CAMKMT: variants seen among roughly 807,000 people sequenced by gnomAD.
CAMKMT encodes the protein calmodulin-lysine N-methyltransferase.
Under a neutral mutation model 48.0 loss-of-function variants are expected in CAMKMT, and 53 were observed. The ratio of observed to expected loss-of-function variants is 1.10; its 90% CI spans 0.89 to 1.39. The LOEUF (loss-of-function observed/expected upper bound fraction) is 1.39. Ranked by LOEUF, CAMKMT falls within the 40% of genes most tolerant of loss-of-function variation. CAMKMT has a pLI of 0.00. For synonymous variants in CAMKMT, 165 were observed against 152.3 expected, an observed-to-expected ratio of 1.08 and a Z score of -0.61; for missense variants, 428 against 402.7, an observed-to-expected ratio of 1.06 and a Z score of -0.54.
At chr2:44,633,520 C>T (rs1386076311) in intron 3 of CAMKMT, among the ~76,000 whole-genome samples, 1 of 152,138 alleles carries the variant, frequency 6.6e-6, no homozygotes, top group African/African-American at 2.4e-5. Flanking sequence ...ATGTTTACAT[C>T]TGCACTGACT....
intron 3 of CAMKMT, among the ~76,000 whole-genome samples, chr2:44,410,737 G>A (rs1012783507): frequency 3.3e-5 from 5 of 152,140 alleles, no homozygotes; most frequent in African/African-American, 1.2e-4. Flanking sequence ...ACAAGTGAAG[G>A]ATTGCTGAAG....
intron 3 of CAMKMT, among the ~76,000 whole-genome samples, chr2:44,582,166 C>T (rs1041325054): frequency 1.3e-5 from 2 of 152,152 alleles, no homozygotes; most frequent in African/African-American, 4.8e-5. Context: ...CTAAACCGGG[C>T]CTTTCTGAAA....
intron 3 of CAMKMT, among the ~76,000 whole-genome samples, chr2:44,515,411 G>T (rs1053859351): frequency 6.6e-6 from 1 of 152,160 alleles, no homozygotes; most frequent in African/African-American, 2.4e-5. Context: ...GCTCTGGTAA[G>T]GGATATCTAT....
chr2:44,740,218 T>C (rs1679598540), intron 7 of CAMKMT, among the ~76,000 whole-genome samples: 1 of 151,452 alleles, frequency 6.6e-6, no homozygotes, highest in Non-Finnish European at 1.5e-5. Flanking sequence ...AGCCTTGACT[T>C]CCTGGGCTCA....
intron 3 of CAMKMT, among the ~76,000 whole-genome samples, chr2:44,404,247 C>A (rs113593228): frequency 4.6e-5 from 7 of 152,182 alleles, no homozygotes; most frequent in African/African-American, 1.7e-4. Flanking sequence ...AAAATATTCA[C>A]TATACAAAAT....
chr2:44,514,457 C>G (rs919729530), intron 3 of CAMKMT, among the ~76,000 whole-genome samples: 18 of 152,180 alleles, frequency 1.2e-4, no homozygotes, highest in Non-Finnish European at 2.4e-4. Flanking sequence ...CTAACCAAGC[C>G]TAGTGCTTCT....
chr2:44,502,162 G>C (rs1454550884), intron 3 of CAMKMT, among the ~76,000 whole-genome samples: 1 of 151,824 alleles, frequency 6.6e-6, no homozygotes, highest in Non-Finnish European at 1.5e-5. Context: ...CAGAGGTTGC[G>C]GTGAGCCAAG....
intron 1 of CAMKMT, among the ~76,000 whole-genome samples, chr2:44,370,955 C>G (rs1361279666): frequency 6.6e-6 from 1 of 152,160 alleles, no homozygotes; most frequent in Non-Finnish European, 1.5e-5. Flanking sequence ...GGACTACAGG[C>G]AGACACCACC....
Position 44,534,611 on chromosome 2 carries a change from AAAC to A in CAMKMT, c.376+144310_376+144312del, listed in dbSNP as rs573517243. Among the ~76,000 whole-genome samples the A allele has an allele frequency of 1.4e-3, 217 of 152,328 alleles. 2 individuals carry two copies. Among genetic ancestry groups the A allele is most frequent in the Non-Finnish European group, 2.6e-3 (179 of 68,010 alleles). ...AAAACTATACAAATATATGGAAATT[AAAC>A]AACGTGCTCCTGAATGACCATTGAC... On this transcript the variant is annotated intron_variant, in intron 3 of 10. Coordinates refer to ENST00000378494, the MANE Select transcript of CAMKMT (RefSeq NM_024766.5).
chr2:44,639,885 G>A (rs1673353697), intron 3 of CAMKMT, among the ~76,000 whole-genome samples: 1 of 152,152 alleles, frequency 6.6e-6, no homozygotes, highest in Non-Finnish European at 1.5e-5. Flanking sequence ...GTAAATATTT[G>A]GGATTGGTTT....
At chr2:44,734,694 G>C (rs1467898794) in intron 7 of CAMKMT, among the ~76,000 whole-genome samples, 1 of 152,180 alleles carries the variant, frequency 6.6e-6, no homozygotes, top group Non-Finnish European at 1.5e-5. Context: ...TTACAGGGAT[G>C]AGCCACCATG....
intron 3 of CAMKMT, among the ~76,000 whole-genome samples, chr2:44,632,557 CTA>C (rs1483014263): frequency 4.6e-5 from 7 of 152,036 alleles, no homozygotes; most frequent in Admixed American, 4.6e-4. Flanking sequence ...AACTAAAATC[CTA>C]CATATCTAAC....
At chr2:44,531,607 A>G (rs1004247397) in intron 3 of CAMKMT, among the ~76,000 whole-genome samples, 1 of 152,078 alleles carries the variant, frequency 6.6e-6, no homozygotes, top group East Asian at 1.9e-4. Flanking sequence ...CCCTTTTTTC[A>G]TAGGGCTTTC....
chr2:44,763,725 G>A (rs1680714613), intron 9 of CAMKMT, among the ~76,000 whole-genome samples: 1 of 152,168 alleles, frequency 6.6e-6, no homozygotes, highest in African/African-American at 2.4e-5. Context: ...AGGAGGAAAG[G>A]GATGTTTAGG....
At chr2:44,462,970 A>C (rs931137993) in intron 3 of CAMKMT, among the ~76,000 whole-genome samples, 3 of 152,166 alleles carry the variant, frequency 2.0e-5, no homozygotes, top group African/African-American at 7.2e-5. Flanking sequence ...TTGATCGTTA[A>C]ATCTAGAGGC....
At chr2:44,567,862 G>C (rs1328176805) in intron 3 of CAMKMT, among the ~76,000 whole-genome samples, 1 of 152,162 alleles carries the variant, frequency 6.6e-6, no homozygotes, top group African/African-American at 2.4e-5. Context: ...TCTTTGGATC[G>C]AGAGTCATTC....
intron 3 of CAMKMT, among the ~76,000 whole-genome samples, chr2:44,558,772 G>A (rs1254225651): frequency 6.6e-6 from 1 of 152,118 alleles, no homozygotes; most frequent in Admixed American, 6.5e-5. Flanking sequence ...TAGACACTTG[G>A]GACTCCTGGG....
intron 3 of CAMKMT, among the ~76,000 whole-genome samples, chr2:44,609,108 A>C (rs1395351121): frequency 6.6e-6 from 1 of 152,232 alleles, no homozygotes; most frequent in African/African-American, 2.4e-5. Flanking sequence ...AAGAGAGATT[A>C]ATTGAAAGAC....
At chr2:44,485,955 G>A (rs1558650593) in intron 3 of CAMKMT, among the ~76,000 whole-genome samples, 1 of 152,078 alleles carries the variant, frequency 6.6e-6, no homozygotes, top group East Asian at 1.9e-4. Context: ...TTATGTGGGT[G>A]TGTTCACTTT....
Sources: gnomAD v4.1 joint callset for allele counts (sites outside exome capture counted in the v4.1 genomes callset) on GRCh38, gnomAD v4.1.1 for gene constraint, MANE v1.5 for transcripts, NCBI Gene and HGNC (gene_info 2026-07-23, HGNC 2026-07-21) for gene names.